GRPR: variants seen among roughly 807,000 people sequenced by gnomAD.
The protein encoded by GRPR is gastrin-releasing peptide receptor.
GRPR carries 4 observed loss-of-function variants against 15.6 expected under a neutral mutation model. The observed-to-expected ratio is 0.26, with a 90% CI of 0.13 to 0.59. The LOEUF (loss-of-function observed/expected upper bound fraction) is 0.59. GRPR is among the 20% of genes least tolerant of loss of function. The probability of loss-of-function intolerance (pLI) is 0.90; values close to 1 mark genes in which losing one functional copy is unlikely to be tolerated. For synonymous variants in GRPR, 128 were observed against 126.8 expected (o/e 1.01, Z -0.06); for missense variants, 270 against 304.1 (o/e 0.89, Z 0.83).
intron 1 of GRPR, among the ~76,000 whole-genome samples, chrX:16,128,269 C>T (rs914251005): frequency 8.9e-6 from 1 of 112,408 alleles, no homozygotes; most frequent in African/African-American, 3.2e-5. Flanking sequence ...AATCCCAGCA[C>T]TTTGGGTGGC....
intron 1 of GRPR, among the ~76,000 whole-genome samples, chrX:16,135,836 A>T (rs1398770668): frequency 8.9e-6 from 1 of 112,354 alleles, no homozygotes; most frequent in Non-Finnish European, 1.9e-5. Flanking sequence ...TAAGAATTTC[A>T]TTATTATCTT....
intron 2 of GRPR, among the ~76,000 whole-genome samples, chrX:16,152,052 G>C (rs758985995): frequency 9.2e-6 from 1 of 108,586 alleles, no homozygotes; most frequent in Non-Finnish European, 1.9e-5. Flanking sequence ...TTCCTTTTCT[G>C]TCTGTTTCTG....
intron 1 of GRPR, among the ~76,000 whole-genome samples, chrX:16,149,039 C>T (rs1922648303): frequency 8.9e-6 from 1 of 111,980 alleles, no homozygotes; most frequent in African/African-American, 3.2e-5. Flanking sequence ...CACATTCTTC[C>T]TGGGGTGACC....
In GRPR at chrX:16,130,280, T is replaced by A. The variant is rs6632767; in HGVS notation, c.413+5914T>A. 7.2e-3 allele frequency among the ~76,000 whole-genome samples: 808 copies of A among 112,221 alleles called. 11 individuals carry two copies. The highest frequency in any genetic ancestry group is 0.025 in the African/African-American group (775 of 30,847). ...AAGAGTACAATAACTACACCTTGGT[T>A]GATGTTTGAGCAGTGACAAAAGGAT... On this transcript the variant is annotated intron_variant, in intron 1 of 2. Coordinates refer to ENST00000380289, the MANE Select transcript of GRPR (RefSeq NM_005314.3).
chrX:16,133,570 C>A (rs12845721), intron 1 of GRPR, among the ~76,000 whole-genome samples: 40,778 of 109,787 alleles, frequency 0.37, 6,021 homozygotes, highest in African/African-American at 0.51. Context: ...TTTAGTGTAC[C>A]TATTTTCTCA....
rs183592712 is a variant in GRPR at position 16,136,530 on chromosome X, C to T, written c.413+12164C>T. Among the ~76,000 whole-genome samples the T allele has an allele frequency of 1.8e-3, 206 of 112,033 alleles. 3 individuals are homozygous for T. The highest frequency in any genetic ancestry group is 1.5e-3 in the African/African-American group (45 of 30,871). ...TGAGTGCTTAGTACTGGAAGACCAA[C>T]GACAGGGGTCAGTGGCCTATTGTCT... On this transcript the variant is annotated intron_variant, in intron 1 of 2. Coordinates refer to ENST00000380289, the MANE Select transcript of GRPR (RefSeq NM_005314.3).
At chrX:16,139,253 A>C (rs1366424528) in intron 1 of GRPR, among the ~76,000 whole-genome samples, 1 of 110,143 alleles carries the variant, frequency 9.1e-6, no homozygotes, top group African/African-American at 3.5e-5. Context: ...CATGACTGCT[A>C]TTTAGGTTCA....
In GRPR at chrX:16,124,287, G is replaced by T. The variant is rs1482133287; in HGVS notation, c.334G>T (p.Gly112Cys). ...LADRWLFGRI[G>C]CKLIPFIQLT... ...TGACAGATGGCTATTTGGCAGGATT[G>T]GCTGCAAACTGATCCCCTTTATACA... The change falls in exon 1 of 3, where the codon GGC becomes TGC. Residue 112 changes from glycine (G) to cysteine (C), a missense_variant. By Grantham distance (159) the Gly-to-Cys change is radical (BLOSUM62 -3). Around this residue, in one of 3 missense-constraint regions of GRPR, gnomAD observed 115 missense variants for 128.8 expected, o/e 0.89. Transcript: ENST00000380289. 1 of 1,209,923 alleles carries T rather than the reference G, an allele frequency of 8.3e-7. No homozygotes were observed. The highest frequency in any genetic ancestry group is 2.2e-5 in the Admixed American group (1 of 46,060).
At chrX:16,140,250 A>G (rs1419610530) in intron 1 of GRPR, among the ~76,000 whole-genome samples, 1 of 112,273 alleles carries the variant, frequency 8.9e-6, no homozygotes, top group Admixed American at 9.4e-5. Context: ...ACAGTGACTC[A>G]TATGCCATGA....
Position 16,152,663 on chromosome X carries a change from C to T in GRPR, c.*18C>T, listed in dbSNP as rs188847932. On this transcript the variant is annotated 3_prime_UTR_variant, in exon 3 of 3. Transcript: ENST00000380289. ...ATGTCTAGATTGACCCTTGATTTTG[C>T]CCCCTGAGGGACGGTTTTGCTTTAT... 8 of 1,188,475 alleles carry T rather than the reference C, an allele frequency of 6.7e-6. No individual in the cohort carries two copies. The African/African-American group carries it at 8.9e-5, about 13-fold the overall frequency.
chrX:16,151,352 C>T (rs181422343), intron 2 of GRPR, among the ~76,000 whole-genome samples: 85 of 112,023 alleles, frequency 7.6e-4, no homozygotes, highest in Non-Finnish European at 7.3e-4. Context: ...GCAAGGGCTC[C>T]GGCTTCCTCC....
chrX:16,136,882 A>AT (rs1922457434), intron 1 of GRPR, among the ~76,000 whole-genome samples: 1 of 111,555 alleles, frequency 9.0e-6, no homozygotes, highest in Non-Finnish European at 1.9e-5. Flanking sequence ...TGTTCTTTTG[A>AT]TTTTTTTCTC....
rs1922257573 is a variant in GRPR, at chrX:16,124,369, A to G, written c.413+3A>G. ...CTCACGGCGCTCTCGGCAGACAGGT[A>G]AGTACAGGCTGAAAGTTACATGCTC... On this transcript the variant is annotated splice_donor_region_variant and intron_variant, in intron 1 of 2. Coordinates refer to ENST00000380289, the MANE Select transcript of GRPR (RefSeq NM_005314.3). The G allele has an allele frequency of 8.3e-7, 1 of 1,202,833 alleles. No individual in the cohort carries two copies. Among genetic ancestry groups the G allele is most frequent in the African/African-American group, 1.8e-5 (1 of 56,894 alleles).
chrX:16,149,693 T>C (rs1460155613), intron 1 of GRPR, among the ~76,000 whole-genome samples: 1 of 107,838 alleles, frequency 9.3e-6, no homozygotes, highest in Non-Finnish European at 1.9e-5. Context: ...CTCTGTGTCC[T>C]TTAACTAGCA....
At chrX:16,151,990 G>A (rs773992563) in intron 2 of GRPR, among the ~76,000 whole-genome samples, 11 of 111,031 alleles carry the variant, frequency 9.9e-5, no homozygotes, top group African/African-American at 1.3e-4. Flanking sequence ...ATTCTTCCTC[G>A]TGGGTTTCTG....
intron 1 of GRPR, among the ~76,000 whole-genome samples, chrX:16,146,004 G>T (rs1324974325): frequency 9.0e-6 from 1 of 111,554 alleles, no homozygotes; most frequent in Non-Finnish European, 1.9e-5. Context: ...TGGAAGGATT[G>T]GATTTAAATG....
At chrX:16,142,125 C>T (rs1341690555) in intron 1 of GRPR, among the ~76,000 whole-genome samples, 1 of 111,996 alleles carries the variant, frequency 8.9e-6, no homozygotes, top group Non-Finnish European at 1.9e-5. Context: ...AGACACTTCT[C>T]TCATTCCCGG....
At chrX:16,151,271 A>AT (rs1344692887) in intron 2 of GRPR, among the ~76,000 whole-genome samples, 1 of 112,213 alleles carries the variant, frequency 8.9e-6, no homozygotes, top group Admixed American at 9.4e-5. Context: ...CCTCCATATG[A>AT]TTAGACTCTC....
At chrX:16,138,069 A>G (rs895276437) in intron 1 of GRPR, among the ~76,000 whole-genome samples, 2 of 111,997 alleles carry the variant, frequency 1.8e-5, no homozygotes, top group African/African-American at 6.5e-5. Context: ...GCATAGGACC[A>G]TGCAAAAGTA....
Sources: gnomAD v4.1 joint callset for allele counts (sites outside exome capture counted in the v4.1 genomes callset) on GRCh38, gnomAD v4.1.1 for gene constraint, gnomAD v4.1.1 regional missense constraint, MANE v1.5 for transcripts, NCBI Gene and HGNC (gene_info 2026-07-23, HGNC 2026-07-21) for gene names.